Variants in LARGE1 observed in about 807,000 individuals in gnomAD.
LARGE1 encodes xylosyl- and glucuronyltransferase LARGE1.
In LARGE1, 43 loss-of-function variants were observed where a neutral mutation model predicts 87.6. The observed-to-expected ratio is 0.49, with a 90% confidence interval of 0.38 to 0.63. The LOEUF is 0.63. Among genes scored for constraint, LARGE1 ranks in the 30% least tolerant of loss-of-function variants. LARGE1 has a pLI of 0.00. For missense variants in LARGE1, 802 were observed against 1,000.2 expected (o/e 0.80, Z 2.67); for synonymous variants, 434 against 394.6 (o/e 1.10, Z -1.18).
chr22:33,299,021 C>A (rs1569027287), intron 12 of LARGE1, among the ~76,000 whole-genome samples: 2 of 151,714 alleles, frequency 1.3e-5, no homozygotes, highest in African/African-American at 4.8e-5. Context: ...CCAGCCTGGG[C>A]AACATAGCGA....
At chr22:33,101,119 A>G in the LARGE1 span, among the ~76,000 whole-genome samples, 1 of 152,306 alleles carries the variant, frequency 6.6e-6, no homozygotes, top group African/African-American at 2.4e-5. Context: ...TGCTGGGATT[A>G]CAGGCGTGAG....
chr22:33,799,936 A>AT (rs2086107845), intron 1 of LARGE1, among the ~76,000 whole-genome samples: 1 of 152,176 alleles, frequency 6.6e-6, no homozygotes, highest in African/African-American at 2.4e-5. Context: ...GTGTGCTCAC[A>AT]TGTGCATGTG....
At chr22:33,610,217 A>G (rs718682) in intron 4 of LARGE1, among the ~76,000 whole-genome samples, 41,361 of 152,172 alleles carry the variant, frequency 0.27, 5,731 homozygotes, top group South Asian at 0.31. Flanking sequence ...GCTGGGTAAC[A>G]TACAGGGGCT....
intron 6 of LARGE1, among the ~76,000 whole-genome samples, chr22:33,499,678 T>C (rs1258373948): frequency 2.6e-5 from 4 of 152,002 alleles, no homozygotes; most frequent in African/African-American, 7.3e-5. Context: ...TATTGACTTA[T>C]AGGCATGAGG....
In LARGE1 at chr22:33,274,349, A is replaced by C; in HGVS notation, c.*78T>G. 6.9e-7 allele frequency: 1 copy of C among 1,454,830 alleles called. No homozygotes were observed. Among genetic ancestry groups the C allele is most frequent in the Non-Finnish European group, 9.7e-7 (1 of 1,035,608 alleles). 90.1% of individuals were successfully genotyped at this position (1,454,830 alleles called of 1,614,324 possible). ...ACCGAAAAAGCATGGCTCAATTTTG[A>C]ATTTGAAGGCCGGGCCCCAAACAGC... is the stretch of plus-strand genomic sequence containing the variant. On this transcript the variant is annotated 3_prime_UTR_variant, in exon 15 of 15. Transcript: ENST00000397394.
chr22:33,087,395 C>G, the LARGE1 span, among the ~76,000 whole-genome samples: 1 of 152,014 alleles, frequency 6.6e-6, no homozygotes, highest in African/African-American at 2.4e-5. Flanking sequence ...TACAATATTG[C>G]ATTGCTGTGT....
At chr22:33,890,672 T>C (rs1336571081) in intron 1 of LARGE1, among the ~76,000 whole-genome samples, 1 of 152,140 alleles carries the variant, frequency 6.6e-6, no homozygotes, top group Non-Finnish European at 1.5e-5. Flanking sequence ...ATTTCAAATT[T>C]ATTTTATATC....
chr22:33,381,846 C>T (rs2065168604), intron 9 of LARGE1, 73 bp downstream of exon 9: 2 of 1,577,908 alleles, frequency 1.3e-6, no homozygotes, highest in South Asian at 1.1e-5. Context: ...AATCTCCCAG[C>T]CATCCATGCC....
At chr22:33,122,018 C>T in the LARGE1 span, among the ~76,000 whole-genome samples, 1 of 152,170 alleles carries the variant, frequency 6.6e-6, no homozygotes, top group Non-Finnish European at 1.5e-5. Flanking sequence ...ATGGGAGCTA[C>T]AATTCAAGAT....
At chr22:33,139,887 A>C in the LARGE1 span, among the ~76,000 whole-genome samples, 2 of 152,178 alleles carry the variant, frequency 1.3e-5, no homozygotes, top group Non-Finnish European at 2.9e-5. Flanking sequence ...ACTTGCAAAT[A>C]ATCTCTGGGC....
chr22:33,316,062 G>A (rs767181524), intron 11 of LARGE1, 23 bp downstream of exon 11: 34 of 1,612,444 alleles, frequency 2.1e-5, no homozygotes, highest in Middle Eastern at 1.7e-4. Context: ...GGAGACTGGG[G>A]TGGGTGAGGC....
At chr22:33,115,135 T>C in the LARGE1 span, among the ~76,000 whole-genome samples, 5 of 152,322 alleles carry the variant, frequency 3.3e-5, no homozygotes, top group South Asian at 1.0e-3. Context: ...ATTGTGCCTC[T>C]CACCCACCCA....
intron 1 of LARGE1, among the ~76,000 whole-genome samples, chr22:33,859,514 C>T (rs1471183938): frequency 6.6e-6 from 1 of 152,110 alleles, no homozygotes; most frequent in Non-Finnish European, 1.5e-5. Flanking sequence ...TTTCAACAGG[C>T]CCAAAGCAGT....
At chr22:33,294,688 G>A (rs1482443200) in intron 12 of LARGE1, among the ~76,000 whole-genome samples, 1 of 151,436 alleles carries the variant, frequency 6.6e-6, no homozygotes, top group East Asian at 1.9e-4. Context: ...TCGCTCACTG[G>A]TGGTGGCTGC....
rs541167035 is a variant in LARGE1, at chr22:33,623,947, T to C, written c.491+2297A>G. 7.9e-5 allele frequency among the ~76,000 whole-genome samples: 12 copies of C among 152,050 alleles called. No homozygotes were observed. The South Asian group carries it at 1.5e-3, about 18-fold the overall frequency. Reference sequence around the variant, plus strand: ...TGGGCAGCTGTGGCAGGAGAATCGCTGGAATCCAGGAGGCAGAGGTTTCAG... The same window carrying C: ...TGGGCAGCTGTGGCAGGAGAATCGCCGGAATCCAGGAGGCAGAGGTTTCAG... On this transcript the variant is annotated intron_variant, in intron 4 of 14. Transcript: ENST00000397394.
At chr22:33,678,578 C>T (rs117400230) in intron 2 of LARGE1, among the ~76,000 whole-genome samples, 5,807 of 152,234 alleles carry the variant, frequency 0.038, 146 homozygotes, top group Non-Finnish European at 0.058. Context: ...TCTTAGGAGA[C>T]GAGAAGATAA....
chr22:33,588,954 T>A lies in LARGE1; in HGVS notation c.615+15481A>T, dbSNP rs181856734. 1.1e-4 allele frequency among the ~76,000 whole-genome samples: 16 copies of A among 152,350 alleles called. No homozygotes were observed. The East Asian group carries it at 2.9e-3, about 27-fold the overall frequency. On this transcript the variant is annotated intron_variant, in intron 5 of 14. Coordinates refer to ENST00000397394, the MANE Select transcript of LARGE1 (RefSeq NM_133642.5). ...GTGTGTTGTCTGGACTCAAGCTATC[T>A]GGTGTCTGACAGACCTCAAATGCAG... is the stretch of plus-strand genomic sequence containing the variant.
chr22:33,253,504 G>T (rs922108452), intron 11 of LARGE1, among the ~76,000 whole-genome samples: 2 of 152,214 alleles, frequency 1.3e-5, no homozygotes, highest in Non-Finnish European at 2.9e-5. Context: ...TTAAGGTCAG[G>T]AGTTTGAGAC....
chr22:33,067,656 C>CTT, the LARGE1 span, among the ~76,000 whole-genome samples: 1 of 152,280 alleles, frequency 6.6e-6, no homozygotes, highest in African/African-American at 2.4e-5. Flanking sequence ...CATCCACATT[C>CTT]TTTGAAAAGC....
Sources: gnomAD v4.1 joint callset for allele counts (sites outside exome capture counted in the v4.1 genomes callset) on GRCh38, gnomAD v4.1.1 for gene constraint, MANE v1.5 for transcripts, NCBI Gene and HGNC (gene_info 2026-07-23, HGNC 2026-07-21) for gene names.